Variants in SECISBP2L observed in about 807,000 individuals in gnomAD.
SECISBP2L encodes the protein selenocysteine insertion sequence-binding protein 2-like.
SECISBP2L carries 43 observed loss-of-function variants against 114.7 expected under a neutral mutation model. The observed-to-expected ratio is 0.38, with a 90% CI of 0.29 to 0.48. The LOEUF (loss-of-function observed/expected upper bound fraction) is 0.48. SECISBP2L is among the 20% of genes least tolerant of loss of function. The pLI is 0.98. For missense variants in SECISBP2L, 1,136 were observed against 1,301.1 expected, an observed-to-expected ratio of 0.87 and a Z score of 1.95; for synonymous variants, 451 against 439.7, an observed-to-expected ratio of 1.03 and a Z score of -0.32.
intron 9 of SECISBP2L, 66 bp downstream of exon 9, chr15:49,017,482 T>C (rs1902559466): frequency 9.8e-7 from 1 of 1,019,592 alleles, no homozygotes; most frequent in Non-Finnish European, 1.5e-6. Context: ...CTTTAATATT[T>C]CCCTTCAACA....
intron 14 of SECISBP2L, chr15:49,002,012 C>T (rs1902220990): frequency 7.2e-6 from 1 of 138,618 alleles, no homozygotes; most frequent in Admixed American, 7.4e-5. Context: ...GGTTCTGATT[C>T]TAGATCCTTG....
intron 16 of SECISBP2L, among the ~76,000 whole-genome samples, chr15:48,997,087 G>A (rs1291573485): frequency 6.6e-6 from 1 of 152,200 alleles, no homozygotes. Context: ...AAGGGAAGAT[G>A]ACATCAGCAT....
chr15:49,012,531 T>C (rs1902456404), intron 12 of SECISBP2L, 117 bp downstream of exon 12: 1 of 984,340 alleles, frequency 1.0e-6, no homozygotes, highest in Non-Finnish European at 1.5e-6. Context: ...AAGATTCATG[T>C]GTATGAATAC....
At chr15:49,020,189 G>T (rs1566858293) in intron 7 of SECISBP2L, among the ~76,000 whole-genome samples, 1 of 152,024 alleles carries the variant, frequency 6.6e-6, no homozygotes, top group Non-Finnish European at 1.5e-5. Flanking sequence ...TGTTACCACA[G>T]GGGGGAAACT....
At chr15:49,009,099 T>TA (rs1902382850) in intron 14 of SECISBP2L, 117 bp downstream of exon 14, 1 of 1,125,870 alleles carries the variant, frequency 8.9e-7, no homozygotes, top group African/African-American at 1.6e-5. Flanking sequence ...CGAAAGGAGT[T>TA]AAAGATCTCT....
Position 48,989,395 on chromosome 15 carries a change from G to A in SECISBP2L, c.*2849C>T, listed in dbSNP as rs1254059697. Reference sequence around the variant, plus strand: ...TTTGACTAATTCTTTTCCAAATACTGGAATCATATAAAATACCATCTCTGC... The same window carrying A: ...TTTGACTAATTCTTTTCCAAATACTAGAATCATATAAAATACCATCTCTGC... On this transcript the variant is annotated 3_prime_UTR_variant, in exon 18 of 18. Coordinates refer to ENST00000559471, the MANE Select transcript of SECISBP2L (RefSeq NM_001193489.2). 2 of 151,872 alleles carry A rather than the reference G, an allele frequency of 1.3e-5. No individual in the cohort carries two copies. Among genetic ancestry groups the A allele is most frequent in the African/African-American group, 2.4e-5 (1 of 41,158 alleles). 9.4% of individuals were successfully genotyped at this position (151,872 alleles called of 1,614,324 possible).
Position 48,989,628 on chromosome 15 carries a change from C to A in SECISBP2L, c.*2616G>T, listed in dbSNP as rs1901929475. On this transcript the variant is annotated 3_prime_UTR_variant, in exon 18 of 18. Coordinates refer to ENST00000559471, the MANE Select transcript of SECISBP2L (RefSeq NM_001193489.2). ...GAAATCTAACTTTGGAAGTGTAATT[C>A]ATATTTTAGTTAATATGCTTACATA... The A allele has an allele frequency of 6.6e-6, 1 of 152,384 alleles. No individual in the cohort carries two copies. The highest frequency in any genetic ancestry group is 2.4e-5 in the African/African-American group (1 of 41,434). The allele number at this position is 152,384 out of a possible 1,614,324, so 9.4% of individuals were successfully genotyped here.
Position 49,000,914 on chromosome 15 carries a change from A to C in SECISBP2L, c.2211T>G (p.Val737=). Residue 737 remains valine (V), a synonymous_variant, in exon 15 of 18, where the codon GTT becomes GTG. Coordinates refer to ENST00000559471, the MANE Select transcript of SECISBP2L (RefSeq NM_001193489.2). ...KHMKLNKIKC[V]IISPNCEKIQ... is the part of the protein sequence containing the mutation. ...TTTTTTCACAGTTTGGAGAAATTAT[A>C]ACACACTTGATCTTGTTTAACTTCA... 1 of 1,613,432 alleles carries C rather than the reference A, an allele frequency of 6.2e-7. No homozygotes were observed. Among genetic ancestry groups the C allele is most frequent in the Non-Finnish European group, 8.5e-7 (1 of 1,179,754 alleles).
chr15:49,010,267 C>T (rs1902411618), intron 13 of SECISBP2L, among the ~76,000 whole-genome samples: 1 of 151,556 alleles, frequency 6.6e-6, no homozygotes, highest in South Asian at 2.1e-4. Flanking sequence ...CTGGCAATGA[C>T]AAATTCTACC....
rs1566849654 is a variant in SECISBP2L at position 48,992,312 on chromosome 15, TCTGCTGCCCAGGACTGGC to T, written c.3220_3237del (p.Ala1074_Gln1079del). 2 of 1,613,762 alleles carry T rather than the reference TCTGCTGCCCAGGACTGGC, an allele frequency of 1.2e-6. No homozygotes were observed. The highest frequency in any genetic ancestry group is 8.5e-7 in the Non-Finnish European group (1 of 1,179,882). Reference sequence around the variant, plus strand: ...TTGAGCGAGCTGCAGTTGCTGGACTTCTGCTGCCCAGGACTGGCCTGCTGGTCAGCAGTCCATGCCTCA... The same window carrying T: ...TTGAGCGAGCTGCAGTTGCTGGACTTCTGCTGGTCAGCAGTCCATGCCTCA... On this transcript the variant is annotated inframe_deletion, in exon 18 of 18. Coordinates refer to ENST00000559471, the MANE Select transcript of SECISBP2L (RefSeq NM_001193489.2).
chr15:49,037,460 TA>T, intron 2 of SECISBP2L, 130 bp downstream of exon 2: 1 of 753,348 alleles, frequency 1.3e-6, no homozygotes, highest in Admixed American at 3.1e-5. Flanking sequence ...CAAATTTCAG[TA>T]TCATTTTATT....
At chr15:49,012,408 T>G (rs950215674) in intron 12 of SECISBP2L, among the ~76,000 whole-genome samples, 1 of 152,148 alleles carries the variant, frequency 6.6e-6, no homozygotes, top group Non-Finnish European at 1.5e-5. Flanking sequence ...TACTACATAT[T>G]TATCTTTTTT....
At chr15:49,011,911 T>C in intron 12 of SECISBP2L, 48 bp from the exon 13 acceptor site, 1 of 1,590,924 alleles carries the variant, frequency 6.3e-7, no homozygotes, top group Non-Finnish European at 8.6e-7. Context: ...TCTTCAACTG[T>C]GTACAAATGA....
Position 48,992,066 on chromosome 15 carries a change from C to T in SECISBP2L, c.*178G>A. On this transcript the variant is annotated 3_prime_UTR_variant, in exon 18 of 18. Coordinates refer to ENST00000559471, the MANE Select transcript of SECISBP2L (RefSeq NM_001193489.2). ...TTTCCACACAGTTCTTAGAAAGACA[C>T]TTAGATACTAATTAAAAGCTAAGCT... The T allele has an allele frequency of 1.8e-6, 1 of 543,182 alleles. No homozygotes were observed. Among genetic ancestry groups the T allele is most frequent in the Non-Finnish European group, 3.1e-6 (1 of 318,440 alleles). The allele number at this position is 543,182 out of a possible 1,614,324, so 33.6% of individuals were successfully genotyped here. A position where few individuals can be genotyped will look rare whatever the true frequency, so the allele number is the denominator to read the frequency against.
intron 4 of SECISBP2L, 102 bp downstream of exon 4, chr15:49,032,863 G>GA (rs1902922125): frequency 7.1e-7 from 1 of 1,400,852 alleles, no homozygotes; most frequent in Admixed American, 2.2e-5. Context: ...ATGAAAGGAT[G>GA]AAAGTCTACA....
chr15:49,035,536 T>G lies in SECISBP2L; in HGVS notation c.326A>C (p.Tyr109Ser). 6.2e-7 allele frequency: 1 copy of G among 1,614,194 alleles called. No individual in the cohort carries two copies. The highest frequency in any genetic ancestry group is 8.5e-7 in the Non-Finnish European group (1 of 1,180,020). ...QPPVSTEYTY[Y>S]QLMPAPCAQV... ...GGCACATGGTGCTGGCATCAGCTGA[T>G]AATATGTATACTCTGTAGAAACAGG... Residue 109 changes from tyrosine (Y) to serine (S), a missense_variant, in exon 3 of 18, where the codon TAT becomes TCT. This residue lies in a region of SECISBP2L where 452 missense variants were observed against 452.3 expected (regional missense o/e 1.00). Transcript: ENST00000559471.
intron 4 of SECISBP2L, 95 bp downstream of exon 4, chr15:49,032,870 T>C: frequency 2.1e-6 from 3 of 1,460,514 alleles, no homozygotes; most frequent in Non-Finnish European, 1.9e-6. Flanking sequence ...GATGAAAGTC[T>C]ACAATTCTGA....
At chr15:49,004,491 C>T (rs1902275496) in intron 14 of SECISBP2L, among the ~76,000 whole-genome samples, 1 of 152,072 alleles carries the variant, frequency 6.6e-6, no homozygotes, top group South Asian at 2.1e-4. Context: ...TGTGTTTGCT[C>T]TTGCTTCTCT....
intron 7 of SECISBP2L, among the ~76,000 whole-genome samples, chr15:49,020,706 C>T (rs1022299015): frequency 2.0e-5 from 3 of 151,908 alleles, no homozygotes; most frequent in African/African-American, 7.3e-5. Context: ...GCAGGGTCTA[C>T]CTATATTGTC....
Sources: gnomAD v4.1 joint callset for allele counts (sites outside exome capture counted in the v4.1 genomes callset) on GRCh38, gnomAD v4.1.1 for gene constraint, gnomAD v4.1.1 regional missense constraint, MANE v1.5 for transcripts, NCBI Gene and HGNC (gene_info 2026-07-23, HGNC 2026-07-21) for gene names.